Variants in PDE3B observed in about 807,000 individuals in gnomAD.
PDE3B encodes the protein cGMP-inhibited 3',5'-cyclic phosphodiesterase 3B.
Under a neutral mutation model 116.8 loss-of-function variants are expected in PDE3B, and 66 were observed. The observed-to-expected ratio is 0.56, with a 90% CI of 0.46 to 0.69. PDE3B has a LOEUF of 0.69. PDE3B is among the 30% of genes least tolerant of loss of function. The pLI is 0.00. For missense variants in PDE3B, 1,384 were observed against 1,368.1 expected, an observed-to-expected ratio of 1.01 and a Z score of -0.18; for synonymous variants, 595 against 533.6, an observed-to-expected ratio of 1.12 and a Z score of -1.59.
At chr11:14,822,501 G>T (rs556127800) in intron 7 of PDE3B, among the ~76,000 whole-genome samples, 3 of 152,320 alleles carry the variant, frequency 2.0e-5, no homozygotes, top group South Asian at 4.1e-4. Context: ...GGAGCCAGGG[G>T]AGCCTCCCTC....
chr11:14,892,093 C>T, the PDE3B span: 1 of 1,611,720 alleles, frequency 6.2e-7, no homozygotes. Flanking sequence ...CGGGGGGAAG[C>T]CCATCGGCCG....
chr11:14,643,906 C>G lies in PDE3B; in HGVS notation c.-170C>G. The G allele has an allele frequency of 5.0e-6, 5 of 1,000,108 alleles. No individual in the cohort carries two copies. Among genetic ancestry groups the G allele is most frequent in the Non-Finnish European group, 6.7e-6 (5 of 741,928 alleles). The allele number at this position is 1,000,108 out of a possible 1,614,324, so 62.0% of individuals were successfully genotyped here. Reference sequence around the variant, plus strand: ...TCAGCCAGCATGTCCCGGACTCCGCCGCTCCTCAGTCCGCGCGGTGGGGAC... The same window carrying G: ...TCAGCCAGCATGTCCCGGACTCCGCGGCTCCTCAGTCCGCGCGGTGGGGAC... On this transcript the variant is annotated 5_prime_UTR_variant, in exon 1 of 16. Coordinates refer to ENST00000282096, the MANE Select transcript of PDE3B (RefSeq NM_000922.4).
rs1289340815 is a variant in PDE3B, at chr11:14,644,616, G to C, written c.541G>C (p.Ala181Pro). 3.9e-6 allele frequency: 6 copies of C among 1,532,324 alleles called. No individual in the cohort carries two copies. Among genetic ancestry groups the C allele is most frequent in the East Asian group, 4.8e-5 (2 of 41,680 alleles). 94.9% of individuals were successfully genotyped at this position (1,532,324 alleles called of 1,614,324 possible). A position where few individuals can be genotyped will look rare whatever the true frequency, so the allele number is the denominator to read the frequency against. Residue 181 changes from alanine to proline, a missense_variant, in exon 1 of 16, where the codon GCA (alanine) becomes CCA (proline). By Grantham distance (27) the Ala-to-Pro change is conservative (BLOSUM62 -1). Around this residue, in one of 2 missense-constraint regions of PDE3B, gnomAD observed 956 missense variants for 806.8 expected, o/e 1.18. Coordinates refer to ENST00000282096, the MANE Select transcript of PDE3B (RefSeq NM_000922.4). ...GTCTTGGCCTTGGGGGGATGGCGAC[G>C]CAGGGTCCGCGGCCCCGCACACGCC... The part of the protein sequence containing the change: ...WWSWPWGDGD[A>P]GSAAPHTPPE...
chr11:14,867,704 G>A lies in PDE3B; in HGVS notation c.3085G>A (p.Asp1029Asn). 6.2e-7 allele frequency: 1 copy of A among 1,613,256 alleles called. No individual in the cohort carries two copies. The highest frequency in any genetic ancestry group is 1.1e-5 in the South Asian group (1 of 91,058). The change falls in exon 15 of 16, where the codon GAC (aspartate) becomes AAC (asparagine). Residue 1029 changes from aspartate (D) to asparagine (N), a missense_variant. By Grantham distance (23) the Asp-to-Asn change is conservative. Coordinates refer to ENST00000282096, the MANE Select transcript of PDE3B (RefSeq NM_000922.4). Reference protein sequence around the residue: ...DNDTESGDDEDGEELDTEDEE... With the variant: ...DNDTESGDDENGEELDTEDEE... ...TGATACTGAAAGTGGTGATGATGAA[G>A]ACGGTGAAGAATTAGATACAGAAGA...
intron 1 of PDE3B, among the ~76,000 whole-genome samples, chr11:14,666,505 A>C (rs1378045994): frequency 2.7e-5 from 4 of 150,208 alleles, no homozygotes; most frequent in Non-Finnish European, 4.5e-5. Flanking sequence ...CAACCTACAA[A>C]ATGGGAGAAA....
At chr11:14,861,392 G>A in intron 14 of PDE3B, 26 bp downstream of exon 14, 3 of 1,604,360 alleles carry the variant, frequency 1.9e-6, no homozygotes, top group Middle Eastern at 1.7e-4. Flanking sequence ...AGCTTGGTGG[G>A]ATTTTTAAGA....
At chr11:14,880,585 G>A in the PDE3B span, 26 of 1,612,888 alleles carry the variant, frequency 1.6e-5, no homozygotes, top group South Asian at 1.1e-4. Flanking sequence ...AACAGCATTC[G>A]TTATTAACTG....
At chr11:14,838,334 A>G (rs755769945) in intron 11 of PDE3B, among the ~76,000 whole-genome samples, 20 of 152,256 alleles carry the variant, frequency 1.3e-4, no homozygotes, top group African/African-American at 2.6e-4. Context: ...ATAAAACCCA[A>G]TGTCTGATCC....
chr11:14,845,700 C>G lies in PDE3B; in HGVS notation c.2520+1674C>G, dbSNP rs1847583628. On this transcript the variant is annotated intron_variant, in intron 12 of 15. Transcript: ENST00000282096. ...AAAACTACGTGAAGAATGCAGAAGC[C>G]TCAGGAGCCGATGTGATCAACCGGA... Among the ~76,000 whole-genome samples the G allele has an allele frequency of 2.0e-5, 3 of 152,130 alleles. No homozygotes were observed. In the South Asian group the frequency reaches 6.2e-4, roughly 32 times the overall value.
At chr11:14,689,930 G>A (rs1431981828) in intron 1 of PDE3B, among the ~76,000 whole-genome samples, 2 of 152,136 alleles carry the variant, frequency 1.3e-5, no homozygotes, top group Admixed American at 1.3e-4. Context: ...GTGGCTGCAG[G>A]CATTTTTGGG....
intron 5 of PDE3B, among the ~76,000 whole-genome samples, chr11:14,809,599 T>A (rs940936629): frequency 6.6e-6 from 1 of 152,222 alleles, no homozygotes; most frequent in Non-Finnish European, 1.5e-5. Context: ...AAAATTCACA[T>A]GTTGAAACCT....
chr11:14,704,611 G>T (rs531851711), intron 1 of PDE3B, among the ~76,000 whole-genome samples: 33 of 151,778 alleles, frequency 2.2e-4, no homozygotes, highest in African/African-American at 7.7e-4. Context: ...TACATATTCA[G>T]TTGGTTTTTG....
At chr11:14,658,039 G>A (rs1167347723) in intron 1 of PDE3B, among the ~76,000 whole-genome samples, 3 of 152,148 alleles carry the variant, frequency 2.0e-5, no homozygotes, top group Non-Finnish European at 2.9e-5. Flanking sequence ...TGTTTGCCTG[G>A]AGAGCCTATC....
intron 7 of PDE3B, among the ~76,000 whole-genome samples, chr11:14,822,075 T>TC (rs1421856223): frequency 6.6e-6 from 1 of 151,618 alleles, no homozygotes; most frequent in East Asian, 1.9e-4. Context: ...ATTAAAAAAA[T>TC]TTTTTTTTGT....
Position 14,871,786 on chromosome 11 carries a change from A to T in PDE3B, c.*2126A>T, listed in dbSNP as rs1372641931. On this transcript the variant is annotated 3_prime_UTR_variant, in exon 16 of 16. Transcript: ENST00000282096. ...AAGTATCTCTCCCGAGCTGAAACTT[A>T]AAAATTCGTAAGTGTAAGAAAGAAT... 2 of 152,186 alleles carry T rather than the reference A, an allele frequency of 1.3e-5. No homozygotes were observed. The highest frequency in any genetic ancestry group is 2.9e-5 in the Non-Finnish European group (2 of 68,012). The allele number at this position is 152,186 out of a possible 1,614,324, so 9.4% of individuals were successfully genotyped here.
intron 13 of PDE3B, among the ~76,000 whole-genome samples, chr11:14,860,586 C>T (rs1332388054): frequency 6.6e-6 from 1 of 152,096 alleles, no homozygotes; most frequent in African/African-American, 2.4e-5. Context: ...ATCCTCATAG[C>T]AGCATGGCTA....
chr11:14,892,123 C>A, the PDE3B span: 3 of 1,611,548 alleles, frequency 1.9e-6, no homozygotes, highest in Non-Finnish European at 2.5e-6. Flanking sequence ...CAGCAGCTGG[C>A]GGACCCCTAG....
Position 14,663,195 on chromosome 11 carries a change from A to G in PDE3B, c.978+18142A>G, listed in dbSNP as rs1853996035. On this transcript the variant is annotated intron_variant, in intron 1 of 15. Coordinates refer to ENST00000282096, the MANE Select transcript of PDE3B (RefSeq NM_000922.4). ...AAGAATTTTCAACCCAGAATTTCAT[A>G]TCCATCCAAACTAAGCTTCATAAGT... 5.9e-5 allele frequency among the ~76,000 whole-genome samples: 9 copies of G among 152,276 alleles called. No homozygotes were observed. In the South Asian group the frequency reaches 1.9e-3, roughly 32 times the overall value.
intron 1 of PDE3B, among the ~76,000 whole-genome samples, chr11:14,718,801 T>C: frequency 7.8e-6 from 1 of 128,894 alleles, no homozygotes; most frequent in Admixed American, 7.9e-5. Context: ...TAGCACTAAA[T>C]GCCCACAAGA....
Sources: allele counts gnomAD v4.1 joint callset (sites outside exome capture counted in the v4.1 genomes callset), GRCh38; gene constraint gnomAD v4.1.1; regional missense constraint gnomAD v4.1.1; transcripts MANE v1.5; gene names NCBI Gene and HGNC (gene_info 2026-07-23, HGNC 2026-07-21).